Variants in MYRIP observed in about 807,000 individuals in gnomAD.
The protein encoded by MYRIP is myosin VIIA and Rab interacting protein, also known as rab effector MyRIP.
Under a neutral mutation model 98.0 loss-of-function variants are expected in MYRIP, and 49 were observed. That is an observed-to-expected ratio of 0.50 (90% CI 0.40 to 0.63). The LOEUF is 0.63. MYRIP is among the 30% of genes least tolerant of loss of function. MYRIP has a pLI of 0.00. For synonymous variants in MYRIP, 404 were observed against 409.5 expected (o/e 0.99, Z 0.16); for missense variants, 1,004 against 1,058.2 (o/e 0.95, Z 0.71).
In MYRIP at chr3:40,210,011, A is replaced by G; in HGVS notation, c.1823A>G (p.Glu608Gly). 4.3e-6 allele frequency: 7 copies of G among 1,614,142 alleles called. No individual in the cohort carries two copies. Among genetic ancestry groups the G allele is most frequent in the Non-Finnish European group, 5.9e-6 (7 of 1,179,984 alleles). The change falls in exon 11 of 17, where the codon GAG (glutamate) becomes GGG (glycine). Residue 608 changes from glutamate to glycine, a missense_variant. This residue lies in a region of MYRIP where 880 missense variants were observed against 907.7 expected (regional missense o/e 0.97). Coordinates refer to ENST00000302541, the MANE Select transcript of MYRIP (RefSeq NM_015460.4). The part of the protein sequence containing the change: ...ETSSGEDQES[E>G]PKTESENQKE... Reference sequence around the variant, plus strand: ...TCTTCAGGGGAGGATCAGGAGTCTGAGCCCAAGACAGAATCTGAGAACCAG... The same window carrying G: ...TCTTCAGGGGAGGATCAGGAGTCTGGGCCCAAGACAGAATCTGAGAACCAG...
At position 39,839,516 on chromosome 3, in the gene MYRIP, G is replaced by A. The variant is rs375156625; in HGVS notation, c.-31+29600G>A. Among the ~76,000 whole-genome samples the A allele has an allele frequency of 8.5e-5, 13 of 152,160 alleles. 1 individual carries two copies. Among genetic ancestry groups the A allele is most frequent in the East Asian group, 3.9e-4 (2 of 5,174 alleles). ...CACGTGATCTGCCCACCTTGGCCTCGCAAAATGTTGTGATTACAAGCATGG... is the reference window on the plus strand; with the variant it reads ...CACGTGATCTGCCCACCTTGGCCTCACAAAATGTTGTGATTACAAGCATGG... On this transcript the variant is annotated intron_variant, in intron 1 of 16. Transcript: ENST00000302541.
chr3:39,983,436 T>C (rs547057168), intron 2 of MYRIP, among the ~76,000 whole-genome samples: 52 of 152,352 alleles, frequency 3.4e-4, no homozygotes, highest in Non-Finnish European at 6.8e-4. Context: ...AGAAGCACTC[T>C]TTATAACAAA....
chr3:39,864,107 T>G (rs1257602391), intron 1 of MYRIP, among the ~76,000 whole-genome samples: 1 of 152,182 alleles, frequency 6.6e-6, no homozygotes, highest in African/African-American at 2.4e-5. Flanking sequence ...CATCCCTTCA[T>G]GCTAAAAAAT....
At chr3:40,184,851 C>T (rs1352355782) in intron 9 of MYRIP, among the ~76,000 whole-genome samples, 1 of 152,028 alleles carries the variant, frequency 6.6e-6, no homozygotes, top group Non-Finnish European at 1.5e-5. Flanking sequence ...ATCACACACC[C>T]AAAAAAAGAT....
chr3:39,957,263 G>T (rs1011480784), intron 2 of MYRIP, among the ~76,000 whole-genome samples: 33 of 151,690 alleles, frequency 2.2e-4, no homozygotes, highest in Non-Finnish European at 3.8e-4. Context: ...GATGAACATT[G>T]ATGCAAAAAT....
intron 2 of MYRIP, among the ~76,000 whole-genome samples, chr3:39,907,254 A>G (rs958263374): frequency 8.5e-5 from 13 of 152,220 alleles, no homozygotes; most frequent in Non-Finnish European, 1.3e-4. Flanking sequence ...ATGTTTCATC[A>G]GTATAAATAT....
At chr3:39,945,155 T>C (rs2125712562) in intron 2 of MYRIP, among the ~76,000 whole-genome samples, 1 of 151,798 alleles carries the variant, frequency 6.6e-6, no homozygotes, top group East Asian at 1.9e-4. Context: ...GCGGGTTTTA[T>C]GTTTTATTTG....
chr3:39,903,215 A>G (rs894753075), intron 2 of MYRIP, among the ~76,000 whole-genome samples: 3 of 152,232 alleles, frequency 2.0e-5, no homozygotes, highest in Non-Finnish European at 4.4e-5. Flanking sequence ...AAATTGCCAA[A>G]CATTTGCCTC....
At chr3:40,214,733 T>C (rs540921458) in intron 11 of MYRIP, among the ~76,000 whole-genome samples, 1 of 152,330 alleles carries the variant, frequency 6.6e-6, no homozygotes, top group African/African-American at 2.4e-5. Flanking sequence ...AGCCTGGGAA[T>C]GAGCACTCGT....
At chr3:40,026,516 AAAGT>A (rs1406989501) in intron 2 of MYRIP, among the ~76,000 whole-genome samples, 26 of 152,196 alleles carry the variant, frequency 1.7e-4, no homozygotes, top group African/African-American at 6.3e-4. Context: ...TTAAGAAATT[AAAGT>A]AAGACAGGCA....
In MYRIP at chr3:40,044,254, C is replaced by T. The variant is rs781036175; in HGVS notation, c.315C>T (p.Cys105=). The change falls in exon 3 of 17, where the codon TGC becomes TGT. Residue 105 remains cysteine, a synonymous_variant. Coordinates refer to ENST00000302541, the MANE Select transcript of MYRIP (RefSeq NM_015460.4). ...AGCACGAAAAGGCCTGGGTCTGCTG[C>T]GTCTGCCAGCAAGCGAGGTGAGTGG... ...YQKHEKAWVC[C]VCQQARLLRA... is the part of the protein sequence containing the mutation. 23 of 1,614,056 alleles carry T rather than the reference C, an allele frequency of 1.4e-5. No individual in the cohort carries two copies. Among genetic ancestry groups the T allele is most frequent in the Admixed American group, 8.3e-5 (5 of 60,010 alleles).
chr3:39,959,985 T>C lies in MYRIP; in HGVS notation c.110+59059T>C, dbSNP rs190803967. 2.0e-3 allele frequency among the ~76,000 whole-genome samples: 302 copies of C among 152,110 alleles called. 2 individuals carry two copies. The highest frequency in any genetic ancestry group is 6.8e-3 in the Middle Eastern group (2 of 294). ...AAAACAGGTAGGAAAAAAGACTTTGTTGTGTATAGCAAAGAAGGAACTGGC... is the reference window on the plus strand; with the variant it reads ...AAAACAGGTAGGAAAAAAGACTTTGCTGTGTATAGCAAAGAAGGAACTGGC... On this transcript the variant is annotated intron_variant, in intron 2 of 16. Transcript: ENST00000302541.
chr3:39,896,458 T>C (rs1943613395), intron 1 of MYRIP, among the ~76,000 whole-genome samples: 1 of 152,240 alleles, frequency 6.6e-6, no homozygotes, highest in African/African-American at 2.4e-5. Flanking sequence ...ACAGTCACAG[T>C]GAAAGCACAT....
In MYRIP at chr3:40,166,768, T is replaced by C. The variant is rs1003816992; in HGVS notation, c.551-78T>C. The C allele has an allele frequency of 8.9e-6, 9 of 1,012,908 alleles. No individual in the cohort carries two copies. The African/African-American group carries it at 1.4e-4, about 16-fold the overall frequency. The allele number at this position is 1,012,908 out of a possible 1,614,324, so 62.7% of individuals were successfully genotyped here. ...AACTTATCCCAGAGCCCCTGAAGAATTTAAGCAGAAGAGCTTGAACAATCG... is the reference window on the plus strand; with the variant it reads ...AACTTATCCCAGAGCCCCTGAAGAACTTAAGCAGAAGAGCTTGAACAATCG... On this transcript the variant is annotated intron_variant, in intron 5 of 16. Coordinates refer to ENST00000302541, the MANE Select transcript of MYRIP (RefSeq NM_015460.4).
Position 39,919,717 on chromosome 3 carries a change from T to TGAGAGAGA in MYRIP, c.110+18792_110+18793insAGAGAGAG, listed in dbSNP as rs769723675. On this transcript the variant is annotated intron_variant, in intron 2 of 16. Coordinates refer to ENST00000302541, the MANE Select transcript of MYRIP (RefSeq NM_015460.4). ...TGGTGTGTGTGTGTGTGTGTGTGTG[T>TGAGAGAGA]GTGTGTGTGTGAGAGAGAGAGAGAG... Among the ~76,000 whole-genome samples, 242 of 148,980 alleles carry TGAGAGAGA rather than the reference T, an allele frequency of 1.6e-3. 1 individual carries two copies. Among genetic ancestry groups the TGAGAGAGA allele is most frequent in the Admixed American group, 2.3e-3 (35 of 15,046 alleles).
intron 1 of MYRIP, among the ~76,000 whole-genome samples, chr3:39,875,707 A>T (rs1390579221): frequency 6.6e-6 from 1 of 150,916 alleles, no homozygotes; most frequent in African/African-American, 2.4e-5. Context: ...TCTGAGAGAC[A>T]GTTTGTTATA....
Position 40,227,758 on chromosome 3 carries a change from T to C in MYRIP, c.1906-6101T>C, listed in dbSNP as rs1333932800. ...ATTGTGCCCATCTCCAGCCAGGAAG[T>C]GTGCCTGCAGAGCAGGTGGGAGGTG... is the stretch of plus-strand genomic sequence containing the variant. On this transcript the variant is annotated intron_variant, in intron 11 of 16. Transcript: ENST00000302541. 2.6e-5 allele frequency among the ~76,000 whole-genome samples: 4 copies of C among 152,118 alleles called. No homozygotes were observed. In the South Asian group the frequency reaches 6.2e-4, roughly 24 times the overall value.
In MYRIP at chr3:39,965,341, A is replaced by G. The variant is rs191134673; in HGVS notation, c.110+64415A>G. On this transcript the variant is annotated intron_variant, in intron 2 of 16. Transcript: ENST00000302541. ...ATTAAAAGAAAAAATAAAGCATTTT[A>G]TAGAACTAAGTGTGATTTTTCTCAA... is the stretch of plus-strand genomic sequence containing the variant. Among the ~76,000 whole-genome samples the G allele has an allele frequency of 1.5e-3, 228 of 152,292 alleles. 1 individual carries two copies. Among genetic ancestry groups the G allele is most frequent in the African/African-American group, 5.3e-3 (221 of 41,582 alleles).
intron 1 of MYRIP, among the ~76,000 whole-genome samples, chr3:39,820,996 G>GCTGACATTTTCCC (rs1158902557): frequency 1.3e-5 from 2 of 152,140 alleles, no homozygotes; most frequent in Non-Finnish European, 2.9e-5. Context: ...GGGATGCAAT[G>GCTGACATTTTCCC]CTGACATTTT....
Sources: allele counts gnomAD v4.1 joint callset (sites outside exome capture counted in the v4.1 genomes callset), GRCh38; gene constraint gnomAD v4.1.1; regional missense constraint gnomAD v4.1.1; transcripts MANE v1.5; gene names NCBI Gene and HGNC (gene_info 2026-07-23, HGNC 2026-07-21).